SLC4A4: variants seen among roughly 807,000 people sequenced by gnomAD.
SLC4A4 encodes the protein solute carrier family 4 member 4, also known as electrogenic sodium bicarbonate cotransporter 1.
SLC4A4 carries 27 observed loss-of-function variants against 111.5 expected under a neutral mutation model. That is an observed-to-expected ratio of 0.24 (90% CI 0.18 to 0.33). The LOEUF (loss-of-function observed/expected upper bound fraction) is 0.33. Ranked by LOEUF, SLC4A4 falls within the 10% of genes least tolerant of loss-of-function variation. The probability of loss-of-function intolerance (pLI) is 1.00; values close to 1 mark genes in which losing one functional copy is unlikely to be tolerated. For missense variants in SLC4A4, 909 were observed against 1,315.5 expected, an observed-to-expected ratio of 0.69 and a Z score of 4.78; for synonymous variants, 443 against 463.4, an observed-to-expected ratio of 0.96 and a Z score of 0.57.
In SLC4A4 at chr4:71,551,128, A is replaced by T. The variant is rs190761109; in HGVS notation, c.2694+3408A>T. Among the ~76,000 whole-genome samples, 72 of 152,064 alleles carry T rather than the reference A, an allele frequency of 4.7e-4. No homozygotes were observed. In the South Asian group the frequency reaches 0.01, roughly 22 times the overall value. ...GAGGAGGCTAAAGAGCATCAAAAAG[A>T]TGAAAGGCACTTCCTTGAGCTTACT... On this transcript the variant is annotated intron_variant, in intron 20 of 25. Transcript: ENST00000264485.
In SLC4A4 at chr4:71,397,666, T is replaced by G. The variant is rs116455604; in HGVS notation, c.807+13T>G. 2.6e-4 allele frequency: 421 copies of G among 1,609,898 alleles called. 2 individuals are homozygous for G. In the African/African-American group the frequency reaches 5.3e-3, roughly 20 times the overall value. Reference sequence around the variant, plus strand: ...GGAGAAGGACCAGGTAAGCAAAAAATTCTTGCTTCTTTGAAATGTAAGAGA... The same window carrying G: ...GGAGAAGGACCAGGTAAGCAAAAAAGTCTTGCTTCTTTGAAATGTAAGAGA... On this transcript the variant is annotated intron_variant, in intron 7 of 25. Transcript: ENST00000264485.
chr4:71,485,207 G>A (rs1294691501), intron 14 of SLC4A4, among the ~76,000 whole-genome samples: 5 of 151,728 alleles, frequency 3.3e-5, no homozygotes, highest in Non-Finnish European at 7.4e-5. Flanking sequence ...GGGCATCCTT[G>A]TCTTGCACAA....
chr4:71,534,465 C>G, intron 18 of SLC4A4, 77 bp downstream of exon 18: 1 of 1,424,488 alleles, frequency 7.0e-7, no homozygotes, highest in East Asian at 2.3e-5. Context: ...GATTAAAAAC[C>G]AAGGGAGCTT....
At chr4:71,298,922 C>T (rs1725008748) in intron 3 of SLC4A4, among the ~76,000 whole-genome samples, 1 of 152,118 alleles carries the variant, frequency 6.6e-6, no homozygotes, top group Non-Finnish European at 1.5e-5. Context: ...AACTCTTCTG[C>T]TGAAAATGTT....
chr4:71,115,720 T>G (rs1743226171), intron 2 of SLC4A4, among the ~76,000 whole-genome samples: 1 of 152,236 alleles, frequency 6.6e-6, no homozygotes, highest in South Asian at 2.1e-4. Context: ...GCATATTTAC[T>G]GAGAATAGAG....
chr4:71,377,310 C>T (rs1183544609), intron 6 of SLC4A4, among the ~76,000 whole-genome samples: 2 of 152,108 alleles, frequency 1.3e-5, no homozygotes, highest in Non-Finnish European at 2.9e-5. Flanking sequence ...TGGTTCAAAT[C>T]AGGAAATAAA....
chr4:71,211,950 T>G (rs368804298), intron 1 of SLC4A4, among the ~76,000 whole-genome samples: 1 of 152,128 alleles, frequency 6.6e-6, no homozygotes, highest in East Asian at 1.9e-4. Flanking sequence ...TAAGACAGGG[T>G]TTGTAAGATT....
intron 1 of SLC4A4, among the ~76,000 whole-genome samples, chr4:71,065,425 A>G (rs1741494306): frequency 7.1e-6 from 1 of 140,432 alleles, no homozygotes; most frequent in Non-Finnish European, 1.7e-5. Context: ...AAAGTTATAC[A>G]TGATAATGGT....
At chr4:71,552,440 T>C (rs1397737475) in intron 20 of SLC4A4, among the ~76,000 whole-genome samples, 1 of 151,826 alleles carries the variant, frequency 6.6e-6, no homozygotes, top group Non-Finnish European at 1.5e-5. Context: ...TACTGAATTC[T>C]GGTTGGACAA....
chr4:71,486,980 G>A lies in SLC4A4; in HGVS notation c.1936G>A (p.Ala646Thr), dbSNP rs1578021113. Residue 646 changes from alanine (A) to threonine (T), a missense_variant, in exon 15 of 26, where the codon GCC becomes ACC. By Grantham distance (58) the Ala-to-Thr change is moderately conservative (BLOSUM62 0). Around this residue, in one of 7 missense-constraint regions of SLC4A4, gnomAD observed 264 missense variants for 356.8 expected, o/e 0.74. Coordinates refer to ENST00000264485, the MANE Select transcript of SLC4A4 (RefSeq NM_001098484.3). ...NISISNDTTL[A>T]PEYLPTMSST... ...CTCAATATCTAATGACACCACACTGGCCCCAGAGTATTTGCCAACTATGTC... is the reference window on the plus strand; with the variant it reads ...CTCAATATCTAATGACACCACACTGACCCCAGAGTATTTGCCAACTATGTC... The A allele has an allele frequency of 1.2e-6, 2 of 1,602,262 alleles. No individual in the cohort carries two copies. Among genetic ancestry groups the A allele is most frequent in the Non-Finnish European group, 1.7e-6 (2 of 1,171,390 alleles).
chr4:71,178,502 A>G (rs1745167280), intron 2 of SLC4A4, among the ~76,000 whole-genome samples: 1 of 152,226 alleles, frequency 6.6e-6, no homozygotes, highest in South Asian at 2.1e-4. Context: ...AAATAGATGC[A>G]ATAAAAAATG....
intron 2 of SLC4A4, among the ~76,000 whole-genome samples, chr4:71,179,711 C>T (rs1255850592): frequency 6.6e-6 from 1 of 152,140 alleles, no homozygotes; most frequent in African/African-American, 2.4e-5. Flanking sequence ...AGGATACAAA[C>T]AAATGGAAGA....
chr4:71,394,529 A>T (rs1320201513), intron 6 of SLC4A4, among the ~76,000 whole-genome samples: 1 of 151,908 alleles, frequency 6.6e-6, no homozygotes, highest in Non-Finnish European at 1.5e-5. Context: ...GGCGGTGATC[A>T]GGGAACACTT....
chr4:71,526,046 T>G (rs1411689717), intron 16 of SLC4A4, among the ~76,000 whole-genome samples: 2 of 152,108 alleles, frequency 1.3e-5, no homozygotes, highest in African/African-American at 4.8e-5. Flanking sequence ...GCTAGACATT[T>G]TTAGGGCACT....
intron 1 of SLC4A4, among the ~76,000 whole-genome samples, chr4:71,065,456 A>G (rs1578446174): frequency 1.3e-5 from 2 of 152,142 alleles, no homozygotes; most frequent in Non-Finnish European, 2.9e-5. Context: ...TGGAATTTAT[A>G]CTTGCTAATG....
At chr4:71,142,761 C>CT (rs34495804) in intron 2 of SLC4A4, among the ~76,000 whole-genome samples, 5,360 of 77,968 alleles carry the variant, frequency 0.069, 210 homozygotes, top group South Asian at 0.17. Flanking sequence ...TTTTCTCACT[C>CT]TTTTTTTTTT....
At chr4:71,220,504 T>A (rs917444599) in intron 1 of SLC4A4, among the ~76,000 whole-genome samples, 1 of 151,974 alleles carries the variant, frequency 6.6e-6, no homozygotes, top group African/African-American at 2.4e-5. Flanking sequence ...ACCACCATTA[T>A]CATACCTAAT....
intron 7 of SLC4A4, among the ~76,000 whole-genome samples, chr4:71,423,889 T>C (rs1722809449): frequency 6.6e-6 from 1 of 152,122 alleles, no homozygotes; most frequent in South Asian, 2.1e-4. Flanking sequence ...ATAAAAACCC[T>C]AGAAGAACGC....
intron 17 of SLC4A4, among the ~76,000 whole-genome samples, chr4:71,532,871 C>T (rs1560594052): frequency 6.6e-6 from 1 of 152,100 alleles, no homozygotes; most frequent in Non-Finnish European, 1.5e-5. Flanking sequence ...ATGAAACTAC[C>T]TACCACACGC....
Sources: gnomAD v4.1 joint callset for allele counts (sites outside exome capture counted in the v4.1 genomes callset) on GRCh38, gnomAD v4.1.1 for gene constraint, gnomAD v4.1.1 regional missense constraint, MANE v1.5 for transcripts, NCBI Gene and HGNC (gene_info 2026-07-23, HGNC 2026-07-21) for gene names.